Variants in MMS22L observed in about 807,000 individuals in gnomAD.
MMS22L encodes protein MMS22-like.
Under a neutral mutation model 159.1 loss-of-function variants are expected in MMS22L, and 74 were observed. That is an observed-to-expected ratio of 0.47 (90% CI 0.39 to 0.56). The LOEUF is 0.56. Ranked by LOEUF, MMS22L falls within the 20% of genes least tolerant of loss-of-function variation. The probability of loss-of-function intolerance (pLI) is 0.00; values close to 1 mark genes in which losing one functional copy is unlikely to be tolerated. For missense variants in MMS22L, 1,351 were observed against 1,422.1 expected (o/e 0.95, Z 0.80); for synonymous variants, 517 against 506.9 (o/e 1.02, Z -0.27).
chr6:97,165,399 A>C lies in MMS22L; in HGVS notation c.3068T>G (p.Leu1023Arg). The C allele has an allele frequency of 6.2e-7, 1 of 1,613,264 alleles. No individual in the cohort carries two copies. The highest frequency in any genetic ancestry group is 8.5e-7 in the Non-Finnish European group (1 of 1,179,570). ...QNPNAYLNQLLGNVIEQYIGR... is the reference protein window; with the variant it reads ...QNPNAYLNQLRGNVIEQYIGR... ...AATATACTGCTCAATAACATTCCCT[A>C]GCAATTGATTCAAATAGGCATTCGG... Residue 1023 changes from leucine (L) to arginine (R), a missense_variant, in exon 21 of 25, where the codon CTA (leucine) becomes CGA (arginine). Physicochemically the swap from Leu to Arg is moderately radical, Grantham distance 102. Transcript: ENST00000683635.
intron 11 of MMS22L, among the ~76,000 whole-genome samples, chr6:97,244,757 T>G (rs766921093): frequency 3.3e-5 from 5 of 152,020 alleles, no homozygotes; most frequent in Non-Finnish European, 7.4e-5. Flanking sequence ...CTTAATAAAC[T>G]CCCATATATA....
intron 6 of MMS22L, chr6:97,270,400 A>T (rs1202483249): frequency 1.0e-5 from 4 of 390,800 alleles, no homozygotes; most frequent in African/African-American, 2.1e-5. Flanking sequence ...ATATTTTAAC[A>T]AAAGAACTTT....
chr6:97,167,712 A>T (rs1253407900), intron 20 of MMS22L, among the ~76,000 whole-genome samples: 1 of 152,048 alleles, frequency 6.6e-6, no homozygotes, highest in African/African-American at 2.4e-5. Flanking sequence ...TCTGAAATGA[A>T]AAGCCCTCCA....
Position 97,234,427 on chromosome 6 carries a change from CA to C in MMS22L, c.1183-448del, listed in dbSNP as rs557583974. Among the ~76,000 whole-genome samples the C allele has an allele frequency of 3.3e-3, 499 of 152,212 alleles. 1 individual carries two copies. The highest frequency in any genetic ancestry group is 8.1e-3 in the South Asian group (39 of 4,828). ...GTTCTTTCTAAAACCAAAGGATTGT[CA>C]GAGTACATCTATTTTAACCTTTTAG... On this transcript the variant is annotated intron_variant, in intron 11 of 24. Coordinates refer to ENST00000683635, the MANE Select transcript of MMS22L (RefSeq NM_001350599.2).
intron 11 of MMS22L, among the ~76,000 whole-genome samples, chr6:97,241,457 C>T (rs1357714764): frequency 4.6e-5 from 7 of 152,130 alleles, no homozygotes; most frequent in Non-Finnish European, 1.0e-4. Flanking sequence ...TCCACACCAA[C>T]ATCTATTTTT....
intron 14 of MMS22L, among the ~76,000 whole-genome samples, chr6:97,213,406 C>CA (rs914388869): frequency 4.7e-5 from 7 of 149,684 alleles, no homozygotes; most frequent in Non-Finnish European, 8.9e-5. Context: ...AACTCCACCT[C>CA]AAAAAAAAAG....
At chr6:97,218,970 G>A (rs1809324686) in intron 14 of MMS22L, among the ~76,000 whole-genome samples, 1 of 152,050 alleles carries the variant, frequency 6.6e-6, no homozygotes, top group African/African-American at 2.4e-5. Flanking sequence ...GCAGGAGGAA[G>A]AGCTGCTAGC....
intron 16 of MMS22L, among the ~76,000 whole-genome samples, chr6:97,180,064 T>G (rs1196019541): frequency 6.6e-6 from 1 of 152,172 alleles, no homozygotes; most frequent in Non-Finnish European, 1.5e-5. Flanking sequence ...AAAATAATTA[T>G]TTATATGAAG....
upstream of MMS22L, chr6:97,283,475 A>G (rs533686043): frequency 6.6e-6 from 1 of 151,700 alleles, no homozygotes; most frequent in Non-Finnish European, 1.5e-5. Flanking sequence ...CAAAGAGAAG[A>G]TATTTACTCC....
intron 14 of MMS22L, among the ~76,000 whole-genome samples, chr6:97,207,361 C>T (rs896787367): frequency 6.6e-5 from 10 of 152,086 alleles, no homozygotes; most frequent in African/African-American, 2.4e-4. Flanking sequence ...AAGTCTCTGG[C>T]CTAATGCTGT....
At chr6:97,193,577 AG>A (rs1806122658) in intron 14 of MMS22L, among the ~76,000 whole-genome samples, 1 of 152,170 alleles carries the variant, frequency 6.6e-6, no homozygotes, top group Admixed American at 6.5e-5. Context: ...TATTATTGTA[AG>A]TAGTTCCCAA....
intron 22 of MMS22L, among the ~76,000 whole-genome samples, chr6:97,154,753 C>T (rs1251027491): frequency 6.6e-6 from 1 of 152,138 alleles, no homozygotes; most frequent in South Asian, 2.1e-4. Context: ...AACAAAAAAA[C>T]CCCAGTTGAC....
intron 15 of MMS22L, among the ~76,000 whole-genome samples, chr6:97,184,944 C>G (rs1482199225): frequency 6.6e-6 from 1 of 152,146 alleles, no homozygotes; most frequent in African/African-American, 2.4e-5. Flanking sequence ...CCTCTTGATC[C>G]ATCTCTTAGT....
chr6:97,221,652 C>T (rs1364772404), intron 14 of MMS22L, among the ~76,000 whole-genome samples: 8 of 151,898 alleles, frequency 5.3e-5, no homozygotes, highest in African/African-American at 1.9e-4. Flanking sequence ...CTTAGAGATA[C>T]CCATGCTTTC....
At chr6:97,253,370 C>T (rs1813438183) in intron 10 of MMS22L, 3 of 151,938 alleles carry the variant, frequency 2.0e-5, no homozygotes, top group Non-Finnish European at 4.4e-5. Flanking sequence ...TCCCATACCT[C>T]GTAGAGGATG....
intron 24 of MMS22L, among the ~76,000 whole-genome samples, chr6:97,149,197 A>T (rs185323575): frequency 6.6e-6 from 1 of 152,178 alleles, no homozygotes; most frequent in Non-Finnish European, 1.5e-5. Flanking sequence ...CCCTGTCGTT[A>T]AGCAACACAT....
intron 24 of MMS22L, among the ~76,000 whole-genome samples, chr6:97,147,304 T>C (rs754416005): frequency 3.3e-5 from 5 of 152,214 alleles, no homozygotes; most frequent in Non-Finnish European, 7.4e-5. Flanking sequence ...AATTTCAGTA[T>C]ATATCCCATT....
intron 18 of MMS22L, among the ~76,000 whole-genome samples, chr6:97,175,574 G>A (rs1191106950): frequency 1.3e-5 from 2 of 151,996 alleles, no homozygotes; most frequent in Non-Finnish European, 2.9e-5. Flanking sequence ...ATCCATGAAT[G>A]CTTTTTAAAA....
intron 19 of MMS22L, among the ~76,000 whole-genome samples, chr6:97,170,063 A>G (rs1250639483): frequency 2.0e-5 from 3 of 152,170 alleles, no homozygotes; most frequent in African/African-American, 7.2e-5. Context: ...TACTATTATT[A>G]GTTATTATGT....
Sources: allele counts gnomAD v4.1 joint callset (sites outside exome capture counted in the v4.1 genomes callset), GRCh38; gene constraint gnomAD v4.1.1; transcripts MANE v1.5; gene names NCBI Gene and HGNC (gene_info 2026-07-23, HGNC 2026-07-21).